Variants in RSRC1 observed in about 807,000 individuals in gnomAD.
RSRC1 encodes arginine and serine rich coiled-coil 1, also known as serine/Arginine-related protein 53.
A neutral mutation model predicts 49.1 loss-of-function variants in RSRC1; 39 were observed. The observed-to-expected ratio is 0.79, with a 90% CI of 0.61 to 1.04. The LOEUF (loss-of-function observed/expected upper bound fraction) is 1.04, where lower values mean the gene tolerates loss of function less well. RSRC1 is among the 50% of genes least tolerant of loss of function. The pLI is 0.00. For missense variants in RSRC1, 388 were observed against 402.4 expected (o/e 0.96, Z 0.31); for synonymous variants, 143 against 130.8 (o/e 1.09, Z -0.63).
intron 4 of RSRC1, among the ~76,000 whole-genome samples, chr3:158,220,790 TC>T (rs533443734): frequency 1.4e-4 from 21 of 151,596 alleles, no homozygotes; most frequent in Non-Finnish European, 3.1e-4. Context: ...TGAGCTGTAA[TC>T]TTTTTACTGG....
chr3:158,454,527 GTTCAT>G (rs1249881748), intron 6 of RSRC1, among the ~76,000 whole-genome samples: 2 of 152,026 alleles, frequency 1.3e-5, no homozygotes, highest in Non-Finnish European at 2.9e-5. Context: ...TATTCATTCT[GTTCAT>G]TTCATGTATG....
intron 3 of RSRC1, among the ~76,000 whole-genome samples, chr3:158,155,812 C>T (rs1317618158): frequency 6.6e-6 from 1 of 152,030 alleles, no homozygotes; most frequent in East Asian, 1.9e-4. Flanking sequence ...TTCAGCAAAC[C>T]ATGTTGTAAA....
intron 4 of RSRC1, among the ~76,000 whole-genome samples, chr3:158,222,785 A>G (rs1344501996): frequency 2.0e-5 from 3 of 151,444 alleles, no homozygotes; most frequent in African/African-American, 7.3e-5. Context: ...TGTTTTTATC[A>G]TTTTGCTCTG....
intron 6 of RSRC1, 59 bp downstream of exon 6, chr3:158,354,967 G>T: frequency 1.7e-6 from 2 of 1,145,822 alleles, no homozygotes; most frequent in East Asian, 2.8e-5. Context: ...CCCTAGGCTG[G>T]TAGCATGCTT....
intron 6 of RSRC1, among the ~76,000 whole-genome samples, chr3:158,422,844 T>C (rs1309663925): frequency 1.3e-5 from 2 of 150,352 alleles, no homozygotes; most frequent in Admixed American, 6.6e-5. Flanking sequence ...GAGCATTTTT[T>C]CATGTGTTTT....
intron 5 of RSRC1, among the ~76,000 whole-genome samples, chr3:158,307,615 A>G (rs1199255384): frequency 1.3e-5 from 2 of 151,898 alleles, no homozygotes; most frequent in South Asian, 2.1e-4. Flanking sequence ...TCAGAAAATT[A>G]AAATTTAAAG....
intron 7 of RSRC1, among the ~76,000 whole-genome samples, chr3:158,534,468 T>C (rs1468303455): frequency 6.6e-6 from 1 of 151,632 alleles, no homozygotes; most frequent in African/African-American, 2.4e-5. Flanking sequence ...AATCCCAAAA[T>C]TTTTAAGTGC....
At chr3:158,544,100 A>G (rs1713193134) in intron 9 of RSRC1, 83 bp from the exon 10 acceptor site, 2 of 890,422 alleles carry the variant, frequency 2.2e-6, no homozygotes, top group African/African-American at 3.3e-5. Flanking sequence ...GATATATTCT[A>G]CAAAGGTGAG....
intron 7 of RSRC1, among the ~76,000 whole-genome samples, chr3:158,505,187 G>T (rs569637302): frequency 6.6e-6 from 1 of 152,080 alleles, no homozygotes; most frequent in African/African-American, 2.4e-5. Flanking sequence ...TTTTTATAGT[G>T]TACTCTTTTA....
At chr3:158,340,786 A>G (rs1158939591) in intron 5 of RSRC1, among the ~76,000 whole-genome samples, 3 of 152,224 alleles carry the variant, frequency 2.0e-5, no homozygotes, top group East Asian at 1.9e-4. Flanking sequence ...GGTAACAGGC[A>G]GAGGCTGGAA....
intron 4 of RSRC1, among the ~76,000 whole-genome samples, chr3:158,269,356 T>C (rs148993989): frequency 4.0e-4 from 61 of 152,364 alleles, no homozygotes; most frequent in Non-Finnish European, 7.5e-4. Context: ...GTGTATGATA[T>C]ATGAGAATCT....
chr3:158,220,717 C>T (rs1255556877), intron 4 of RSRC1, among the ~76,000 whole-genome samples: 4 of 151,240 alleles, frequency 2.6e-5, no homozygotes, highest in Non-Finnish European at 5.9e-5. Context: ...TGCCTTGGTC[C>T]TTTTAATCTG....
At chr3:158,136,360 A>G (rs1716377386) in intron 3 of RSRC1, among the ~76,000 whole-genome samples, 1 of 152,220 alleles carries the variant, frequency 6.6e-6, no homozygotes, top group East Asian at 1.9e-4. Flanking sequence ...AAATAGTTAT[A>G]ATTAAATCCG....
chr3:158,127,557 G>C (rs891329036), intron 3 of RSRC1, among the ~76,000 whole-genome samples: 1 of 151,540 alleles, frequency 6.6e-6, no homozygotes, highest in African/African-American at 2.4e-5. Context: ...TGATAGTCTT[G>C]ATTTTGTTTA....
At chr3:158,423,669 G>A (rs946450223) in intron 6 of RSRC1, among the ~76,000 whole-genome samples, 1 of 152,146 alleles carries the variant, frequency 6.6e-6, no homozygotes, top group African/African-American at 2.4e-5. Context: ...ACCTTGGGCA[G>A]TATGGCCATT....
At chr3:158,340,033 A>G (rs1334766003) in intron 5 of RSRC1, among the ~76,000 whole-genome samples, 1 of 152,202 alleles carries the variant, frequency 6.6e-6, no homozygotes, top group Non-Finnish European at 1.5e-5. Flanking sequence ...ATATAGATTT[A>G]TATGTAGAGT....
chr3:158,421,174 AAAG>A (rs1335477301), intron 6 of RSRC1, among the ~76,000 whole-genome samples: 4 of 151,966 alleles, frequency 2.6e-5, no homozygotes, highest in Non-Finnish European at 4.4e-5. Flanking sequence ...TTTTCAGAAC[AAAG>A]AAGATCAGTA....
At chr3:158,244,588 G>A (rs566264017) in intron 4 of RSRC1, among the ~76,000 whole-genome samples, 1 of 152,076 alleles carries the variant, frequency 6.6e-6, no homozygotes, top group South Asian at 2.1e-4. Flanking sequence ...TTTTCTTTTT[G>A]TTTTGTTATA....
At chr3:158,214,160 G>C (rs1559945830) in intron 4 of RSRC1, among the ~76,000 whole-genome samples, 1 of 151,874 alleles carries the variant, frequency 6.6e-6, no homozygotes, top group Non-Finnish European at 1.5e-5. Flanking sequence ...GTGCTATTTT[G>C]TGTAAGGGAC....
Sources: allele counts gnomAD v4.1 joint callset (sites outside exome capture counted in the v4.1 genomes callset), GRCh38; gene constraint gnomAD v4.1.1; transcripts MANE v1.5; gene names NCBI Gene and HGNC (gene_info 2026-07-23, HGNC 2026-07-21).